DLC1: variants seen among roughly 807,000 people sequenced by gnomAD.
DLC1 encodes the protein DLC1 Rho GTPase activating protein.
Under a neutral mutation model 140.3 loss-of-function variants are expected in DLC1, and 54 were observed. That is an observed-to-expected ratio of 0.38 (90% CI 0.31 to 0.48). The LOEUF (loss-of-function observed/expected upper bound fraction) is 0.48. Among genes scored for constraint, DLC1 ranks in the 20% least tolerant of loss-of-function variants. The probability of loss-of-function intolerance (pLI) is 0.96; values close to 1 mark genes in which losing one functional copy is unlikely to be tolerated. For synonymous variants in DLC1, 986 were observed against 728.1 expected, an observed-to-expected ratio of 1.35 and a Z score of -5.70; for missense variants, 2,536 against 1,907.0, an observed-to-expected ratio of 1.33 and a Z score of -6.14.
At chr8:13,574,227 A>T (rs947166837) in intron 1 of DLC1, among the ~76,000 whole-genome samples, 3 of 152,154 alleles carry the variant, frequency 2.0e-5, no homozygotes, top group Admixed American at 6.5e-5. Context: ...TTAATAAGAG[A>T]TCCTTCCAGG....
At chr8:13,540,980 C>G (rs912459024) in intron 1 of DLC1, among the ~76,000 whole-genome samples, 11 of 152,214 alleles carry the variant, frequency 7.2e-5, no homozygotes, top group African/African-American at 2.2e-4. Context: ...AGCTGATATT[C>G]TACACTACTT....
chr8:13,191,936 ATT>A (rs1172947568), intron 5 of DLC1, among the ~76,000 whole-genome samples: 1 of 147,684 alleles, frequency 6.8e-6, no homozygotes, highest in Non-Finnish European at 1.5e-5. Flanking sequence ...GATTATTATT[ATT>A]ATTATTATTA....
chr8:13,454,976 T>G (rs899079526), intron 2 of DLC1, among the ~76,000 whole-genome samples: 1 of 152,040 alleles, frequency 6.6e-6, no homozygotes. Context: ...GAGATCTAGT[T>G]TTTTTTTGTT....
chr8:13,420,348 A>T (rs1183233899), intron 2 of DLC1, among the ~76,000 whole-genome samples: 1 of 152,110 alleles, frequency 6.6e-6, no homozygotes, highest in Non-Finnish European at 1.5e-5. Flanking sequence ...ATTGGTAGAG[A>T]CTTACGCTAC....
chr8:13,397,598 G>A (rs972193787), intron 3 of DLC1, among the ~76,000 whole-genome samples: 2 of 152,042 alleles, frequency 1.3e-5, no homozygotes, highest in Non-Finnish European at 2.9e-5. Context: ...GGAGGCCGAG[G>A]TGGGAAGACT....
chr8:13,183,791 T>C (rs1328187434), intron 5 of DLC1, among the ~76,000 whole-genome samples: 1 of 152,160 alleles, frequency 6.6e-6, no homozygotes, highest in Admixed American at 6.5e-5. Context: ...TTTTGTTGTG[T>C]CTCTGCCAGG....
At chr8:13,518,868 T>G (rs1661202416), upstream of DLC1, among the ~76,000 whole-genome samples, 1 of 152,202 alleles carries the variant, frequency 6.6e-6, no homozygotes, top group Non-Finnish European at 1.5e-5. Context: ...TGCTTGTAAT[T>G]TATTGAAGTT....
chr8:13,387,862 T>A (rs1386137161), intron 4 of DLC1, among the ~76,000 whole-genome samples: 1 of 152,116 alleles, frequency 6.6e-6, no homozygotes, highest in African/African-American at 2.4e-5. Context: ...GACGTTCGCA[T>A]GTTCAACACT....
chr8:13,303,727 G>C (rs1832304074), intron 5 of DLC1, among the ~76,000 whole-genome samples: 1 of 152,112 alleles, frequency 6.6e-6, no homozygotes, highest in Non-Finnish European at 1.5e-5. Flanking sequence ...GCTTGAATCT[G>C]GGAGGTGGAG....
At chr8:13,367,024 C>T (rs1330379112) in intron 4 of DLC1, among the ~76,000 whole-genome samples, 3 of 152,154 alleles carry the variant, frequency 2.0e-5, no homozygotes, top group African/African-American at 7.2e-5. Context: ...TGCCTCCTTT[C>T]CCTTTCCTCT....
chr8:13,185,122 C>CTTTTTTTTTTTTTTT (rs1193667992), intron 5 of DLC1, among the ~76,000 whole-genome samples: 25 of 84,546 alleles, frequency 3.0e-4, no homozygotes, highest in Non-Finnish European at 3.2e-4. Flanking sequence ...GCAACCCCTG[C>CTTTTTTTTTTTTTTT]TTTTTTTTTT....
At chr8:13,533,863 C>T (rs534725902) in intron 1 of DLC1, among the ~76,000 whole-genome samples, 1 of 152,182 alleles carries the variant, frequency 6.6e-6, no homozygotes, top group Non-Finnish European at 1.5e-5. Flanking sequence ...TGCTCTCTCT[C>T]TTTCCCACTG....
intron 5 of DLC1, among the ~76,000 whole-genome samples, chr8:13,271,940 G>T (rs1163204964): frequency 6.6e-6 from 1 of 152,222 alleles, no homozygotes; most frequent in Non-Finnish European, 1.5e-5. Flanking sequence ...CTTCCAAATT[G>T]TTGGGATTAC....
In DLC1 at chr8:13,319,819, C is replaced by CTTTTT. The variant is rs547737556; in HGVS notation, c.1315-14518_1315-14517insAAAAA. Among the ~76,000 whole-genome samples, 233 of 76,122 alleles carry CTTTTT rather than the reference C, an allele frequency of 3.1e-3. 44 individuals carry two copies. Among genetic ancestry groups the CTTTTT allele is most frequent in the African/African-American group, 6.8e-3 (138 of 20,276 alleles). The allele number at this position is 76,122 out of a possible 152,430, so 49.9% of individuals were successfully genotyped here. A position where few individuals can be genotyped will look rare whatever the true frequency, so the allele number is the denominator to read the frequency against. On this transcript the variant is annotated intron_variant, in intron 4 of 17. Transcript: ENST00000276297. ...CCAACCATTGTTTAATTCTCTCTCT[C>CTTTTT]TCTTTTTTTTTTTTTTTTTTTGAGA... is the stretch of plus-strand genomic sequence containing the variant.
intron 5 of DLC1, chr8:13,160,298 G>C (rs1824589396): frequency 6.6e-6 from 1 of 152,220 alleles, no homozygotes; most frequent in Admixed American, 6.5e-5. Context: ...AAAATTAAAA[G>C]GCGGTGGGGA....
intron 4 of DLC1, among the ~76,000 whole-genome samples, chr8:13,350,395 T>C (rs909272710): frequency 6.6e-6 from 1 of 152,028 alleles, no homozygotes; most frequent in African/African-American, 2.4e-5. Flanking sequence ...AAGCTCCTTA[T>C]GTGAAAGTAT....
chr8:13,132,660 C>G (rs1368135854), intron 5 of DLC1, among the ~76,000 whole-genome samples: 1 of 152,148 alleles, frequency 6.6e-6, no homozygotes, highest in African/African-American at 2.4e-5. Flanking sequence ...GGCTTCCCTT[C>G]ACGGGTTGCG....
intron 2 of DLC1, among the ~76,000 whole-genome samples, chr8:13,431,679 A>G (rs904726481): frequency 2.0e-5 from 3 of 151,848 alleles, no homozygotes; most frequent in African/African-American, 7.3e-5. Context: ...GAAAAAAGAA[A>G]AAAAAATCAT....
chr8:13,480,181 G>A (rs1307438782), intron 2 of DLC1, among the ~76,000 whole-genome samples: 8 of 152,050 alleles, frequency 5.3e-5, no homozygotes, highest in Admixed American at 4.6e-4. Context: ...AGTTTCTCAA[G>A]GGAAAAAATA....
Sources: allele counts gnomAD v4.1 joint callset (sites outside exome capture counted in the v4.1 genomes callset), GRCh38; gene constraint gnomAD v4.1.1; transcripts MANE v1.5; gene names NCBI Gene and HGNC (gene_info 2026-07-23, HGNC 2026-07-21).